The following PRKG1 variants were observed in gnomAD, a reference collection of about 807,000 sequenced individuals.
PRKG1 encodes the protein protein kinase cGMP-dependent 1.
PRKG1 carries 35 observed loss-of-function variants against 88.1 expected under a neutral mutation model. The observed-to-expected ratio is 0.40, with a 90% CI of 0.30 to 0.53. The LOEUF (loss-of-function observed/expected upper bound fraction) is 0.53. Ranked by LOEUF, PRKG1 falls within the 20% of genes least tolerant of loss-of-function variation. The probability of loss-of-function intolerance (pLI) is 0.59; values close to 1 mark genes in which losing one functional copy is unlikely to be tolerated. For synonymous variants in PRKG1, 303 were observed against 292.5 expected (o/e 1.04, Z -0.37); for missense variants, 540 against 839.8 (o/e 0.64, Z 4.41).
At chr10:51,642,882 C>G (rs1026701382) in intron 3 of PRKG1, among the ~76,000 whole-genome samples, 19 of 152,156 alleles carry the variant, frequency 1.2e-4, no homozygotes, top group African/African-American at 4.6e-4. Context: ...AATTAGTTAT[C>G]TTCAATCCAA....
chr10:51,107,826 A>T (rs1452964690), intron 1 of PRKG1, among the ~76,000 whole-genome samples: 1 of 151,334 alleles, frequency 6.6e-6, no homozygotes, highest in African/African-American at 2.4e-5. Flanking sequence ...AAAAAAAAAA[A>T]AAAAAAAAAG....
intron 2 of PRKG1, among the ~76,000 whole-genome samples, chr10:51,181,321 A>G (rs1301474882): frequency 8.2e-5 from 11 of 134,190 alleles, no homozygotes; most frequent in South Asian, 2.4e-4. Context: ...GGCTCACTGC[A>G]AGCTCCGCTT....
intron 3 of PRKG1, among the ~76,000 whole-genome samples, chr10:51,739,583 A>G (rs1837379270): frequency 6.6e-6 from 1 of 152,194 alleles, no homozygotes; most frequent in Admixed American, 6.5e-5. Context: ...AGAAGAAGAA[A>G]GGAGGGGAGA....
intron 4 of PRKG1, among the ~76,000 whole-genome samples, chr10:51,839,654 C>CTCGATAA (rs1311015613): frequency 6.6e-6 from 1 of 152,266 alleles, no homozygotes; most frequent in Non-Finnish European, 1.5e-5. Context: ...ATGCAGGGTT[C>CTCGATAA]TCGATAATCG....
Position 51,914,977 on chromosome 10 carries a change from G to A in PRKG1, c.762+7407G>A, listed in dbSNP as rs576075038. Among the ~76,000 whole-genome samples, 4 of 152,306 alleles carry A rather than the reference G, an allele frequency of 2.6e-5. No homozygotes were observed. In the South Asian group the frequency reaches 8.3e-4, roughly 32 times the overall value. On this transcript the variant is annotated intron_variant, in intron 5 of 17. Coordinates refer to ENST00000373980, the MANE Select transcript of PRKG1 (RefSeq NM_006258.4). Reference sequence around the variant, plus strand: ...TCACCCTTGCTTAATGATATAGTAGGAAGTACATATCAGATTATACATTCC... The same window carrying A: ...TCACCCTTGCTTAATGATATAGTAGAAAGTACATATCAGATTATACATTCC...
intron 1 of PRKG1, among the ~76,000 whole-genome samples, chr10:51,129,014 G>A (rs759678157): frequency 6.6e-6 from 1 of 152,094 alleles, no homozygotes; most frequent in Non-Finnish European, 1.5e-5. Context: ...CTTGCCTCTT[G>A]GCTATCTGGA....
chr10:52,038,454 T>G (rs951372445), intron 5 of PRKG1, among the ~76,000 whole-genome samples: 12 of 150,460 alleles, frequency 8.0e-5, no homozygotes, highest in African/African-American at 2.9e-4. Context: ...GGCACAGAGA[T>G]ATAAGAGGTT....
At chr10:51,950,584 G>A (rs567455766) in intron 5 of PRKG1, among the ~76,000 whole-genome samples, 3 of 152,382 alleles carry the variant, frequency 2.0e-5, no homozygotes, top group South Asian at 4.1e-4. Flanking sequence ...CAACACAGGA[G>A]CAAGCTTCAT....
At chr10:51,051,479 T>C (rs1264122665) in intron 1 of PRKG1, among the ~76,000 whole-genome samples, 1 of 152,118 alleles carries the variant, frequency 6.6e-6, no homozygotes, top group Non-Finnish European at 1.5e-5. Context: ...TTACTTCATT[T>C]ATCAATAAAA....
intron 7 of PRKG1, chr10:52,081,471 C>T: frequency 2.4e-6 from 1 of 416,424 alleles, no homozygotes; most frequent in Non-Finnish European, 4.8e-6. Flanking sequence ...CTCTCCCCTC[C>T]TCACACCACC....
At chr10:51,350,728 T>C (rs1443336645) in intron 2 of PRKG1, among the ~76,000 whole-genome samples, 2 of 152,174 alleles carry the variant, frequency 1.3e-5, no homozygotes, top group Non-Finnish European at 2.9e-5. Context: ...ATTCAGCAAG[T>C]TGCAGAACAA....
intron 3 of PRKG1, among the ~76,000 whole-genome samples, chr10:51,777,551 C>G (rs190789209): frequency 6.6e-6 from 1 of 152,164 alleles, no homozygotes; most frequent in Non-Finnish European, 1.5e-5. Context: ...TGCATAGCCT[C>G]CCTCACTATC....
chr10:51,806,410 G>A (rs1839309684), intron 4 of PRKG1, among the ~76,000 whole-genome samples: 1 of 152,226 alleles, frequency 6.6e-6, no homozygotes, highest in Middle Eastern at 3.2e-3. Context: ...ATGTGTGTGT[G>A]TGTTTTCAAA....
intron 1 of PRKG1, among the ~76,000 whole-genome samples, chr10:51,118,046 T>A (rs1845169778): frequency 6.6e-6 from 1 of 152,136 alleles, no homozygotes; most frequent in Non-Finnish European, 1.5e-5. Context: ...GTCATAGATG[T>A]TGGATGAGGG....
Position 51,120,270 on chromosome 10 carries a change from C to T in PRKG1, c.312-32894C>T, listed in dbSNP as rs968852412. Reference sequence around the variant, plus strand: ...TTACCTTAAGCTAAATAATGGTTAACTATATGAATATTAGGGAGGGCAAAG... The same window carrying T: ...TTACCTTAAGCTAAATAATGGTTAATTATATGAATATTAGGGAGGGCAAAG... On this transcript the variant is annotated intron_variant, in intron 1 of 17. Coordinates refer to ENST00000373980, the MANE Select transcript of PRKG1 (RefSeq NM_006258.4). Among the ~76,000 whole-genome samples, 11 of 151,990 alleles carry T rather than the reference C, an allele frequency of 7.2e-5. No homozygotes were observed. In the East Asian group the frequency reaches 1.5e-3, roughly 21 times the overall value.
intron 1 of PRKG1, among the ~76,000 whole-genome samples, chr10:51,058,056 G>C (rs1234585717): frequency 6.6e-6 from 1 of 152,156 alleles, no homozygotes; most frequent in Non-Finnish European, 1.5e-5. Flanking sequence ...CATTTGGGTA[G>C]ATGTGTGAGA....
chr10:51,834,100 T>C (rs1048073958), intron 4 of PRKG1, among the ~76,000 whole-genome samples: 3 of 152,262 alleles, frequency 2.0e-5, no homozygotes, highest in East Asian at 3.9e-4. Context: ...TTCCATTGTG[T>C]ATACAGACCA....
intron 3 of PRKG1, among the ~76,000 whole-genome samples, chr10:51,708,352 T>C (rs1841661590): frequency 6.6e-6 from 1 of 152,128 alleles, no homozygotes; most frequent in Admixed American, 6.5e-5. Context: ...TGTCTCTAAA[T>C]ACAGTCACAT....
At chr10:51,734,065 CT>C (rs924814401) in intron 3 of PRKG1, among the ~76,000 whole-genome samples, 2 of 151,704 alleles carry the variant, frequency 1.3e-5, no homozygotes, top group East Asian at 1.9e-4. Context: ...AGTATTTTAG[CT>C]TTTTTAAAAA....
Sources: gnomAD v4.1 joint callset for allele counts (sites outside exome capture counted in the v4.1 genomes callset) on GRCh38, gnomAD v4.1.1 for gene constraint, MANE v1.5 for transcripts, NCBI Gene and HGNC (gene_info 2026-07-23, HGNC 2026-07-21) for gene names.